The following ACSL4 variants were observed in gnomAD, a reference collection of about 807,000 sequenced individuals.
The protein encoded by ACSL4 is acyl-CoA synthetase long chain family member 4.
A neutral mutation model predicts 49.1 loss-of-function variants in ACSL4; 9 were observed. The ratio of observed to expected loss-of-function variants is 0.18; its 90% CI spans 0.11 to 0.32. ACSL4 has a LOEUF of 0.32. Among genes scored for constraint, ACSL4 ranks in the 10% least tolerant of loss-of-function variants. The probability of loss-of-function intolerance (pLI) is 1.00; values close to 1 mark genes in which losing one functional copy is unlikely to be tolerated. For missense variants in ACSL4, 333 were observed against 493.7 expected (o/e 0.67, Z 3.08); for synonymous variants, 191 against 170.3 (o/e 1.12, Z -0.95).
chrX:109,656,278 A>G lies in ACSL4; in HGVS notation c.1855+3076T>C, dbSNP rs192987892. Among the ~76,000 whole-genome samples, 259 of 111,349 alleles carry G rather than the reference A, an allele frequency of 2.3e-3. 4 individuals carry two copies. Among genetic ancestry groups the G allele is most frequent in the Middle Eastern group, 9.1e-3 (2 of 219 alleles). On this transcript the variant is annotated intron_variant, in intron 15 of 15. Coordinates refer to ENST00000672401, the MANE Select transcript of ACSL4 (RefSeq NM_001318510.2). ...TTAGTGGAAGAGTTAAGAATAGTATACAAAAAACTAATGAAGAGAGGAAAT... is the reference window on the plus strand; with the variant it reads ...TTAGTGGAAGAGTTAAGAATAGTATGCAAAAAACTAATGAAGAGAGGAAAT...
chrX:109,661,356 TATCTAA>T (rs1358588562), intron 14 of ACSL4, among the ~76,000 whole-genome samples, 169 bp downstream of exon 14: 1 of 112,161 alleles, frequency 8.9e-6, no homozygotes, highest in Non-Finnish European at 1.9e-5. Context: ...ACGTCTGAGT[TATCTAA>T]AATGATCTTT....
In ACSL4 at chrX:109,693,389, C is replaced by T. The variant is rs116429468; in HGVS notation, c.-13+2755G>A. On this transcript the variant is annotated intron_variant, in intron 2 of 15. Transcript: ENST00000672401. ...CTTATGGCCATATAGTCAATGCTCA[C>T]ATATTAGCCGTAGTAAAGAACAGAA... Among the ~76,000 whole-genome samples the T allele has an allele frequency of 8.9e-3, 995 of 112,013 alleles. 11 individuals carry two copies. Among genetic ancestry groups the T allele is most frequent in the African/African-American group, 0.031 (948 of 30,868 alleles).
intron 15 of ACSL4, among the ~76,000 whole-genome samples, chrX:109,647,660 A>C (rs1934785633): frequency 8.9e-6 from 1 of 111,781 alleles, no homozygotes. Flanking sequence ...AGAAGGCAAG[A>C]AATAACTAAG....
intron 1 of ACSL4, among the ~76,000 whole-genome samples, chrX:109,704,940 TCACA>T (rs57647601): frequency 9.4e-6 from 1 of 106,775 alleles, no homozygotes; most frequent in Admixed American, 1.0e-4. Context: ...TCTCTCTCTC[TCACA>T]CACACACACA....
chrX:109,665,693 G>A (rs1922571801), intron 11 of ACSL4, among the ~76,000 whole-genome samples, 199 bp from the exon 12 acceptor site: 1 of 92,632 alleles, frequency 1.1e-5, no homozygotes, highest in Admixed American at 1.3e-4. Context: ...TGCTTTTCAT[G>A]GTTATATTTT....
chrX:109,669,130 T>C lies in ACSL4; in HGVS notation c.1046A>G (p.Gln349Arg), dbSNP rs763146840. ...RIYKNVMSKVQEMNYIQKTLF... is the reference protein window; with the variant it reads ...RIYKNVMSKVREMNYIQKTLF... Reference sequence around the variant, plus strand: ...AGTTTTCTGAATATAATTCATCTCTTGGACTTTGCTCATAACATTCTTATA... The same window carrying C: ...AGTTTTCTGAATATAATTCATCTCTCGGACTTTGCTCATAACATTCTTATA... Residue 349 changes from glutamine to arginine, a missense_variant, in exon 10 of 16, where the codon CAA becomes CGA. Coordinates refer to ENST00000672401, the MANE Select transcript of ACSL4 (RefSeq NM_001318510.2). The C allele has an allele frequency of 1.7e-6, 2 of 1,171,054 alleles. No individual in the cohort carries two copies. Among genetic ancestry groups the C allele is most frequent in the Non-Finnish European group, 2.3e-6 (2 of 861,980 alleles).
chrX:109,710,422 T>G (rs1470189751), intron 1 of ACSL4, among the ~76,000 whole-genome samples: 1 of 112,280 alleles, frequency 8.9e-6, no homozygotes, highest in Non-Finnish European at 1.9e-5. Flanking sequence ...CACAAGACTC[T>G]TTATTCCAAG....
chrX:109,658,525 A>G (rs766305157), intron 15 of ACSL4, among the ~76,000 whole-genome samples: 3 of 112,135 alleles, frequency 2.7e-5, no homozygotes, highest in Non-Finnish European at 5.6e-5. Flanking sequence ...CATAGAAGGT[A>G]CTACACAACT....
intron 15 of ACSL4, among the ~76,000 whole-genome samples, chrX:109,650,914 T>C (rs1569415992): frequency 8.9e-6 from 1 of 112,060 alleles, no homozygotes; most frequent in Non-Finnish European, 1.9e-5. Flanking sequence ...GAAAATTAAG[T>C]CTCTAGACAA....
At chrX:109,647,813 T>C (rs1003930492) in intron 15 of ACSL4, among the ~76,000 whole-genome samples, 17 of 108,133 alleles carry the variant, frequency 1.6e-4, no homozygotes, top group Admixed American at 1.5e-3. Context: ...AAGAATCAAA[T>C]AGACGCAATA....
At chrX:109,658,272 T>G (rs922148452) in intron 15 of ACSL4, among the ~76,000 whole-genome samples, 1 of 111,312 alleles carries the variant, frequency 9.0e-6, no homozygotes, top group African/African-American at 3.3e-5. Flanking sequence ...TTTTGCTTCA[T>G]AAACATTTCC....
At chrX:109,653,724 A>G (rs1320590020) in intron 15 of ACSL4, among the ~76,000 whole-genome samples, 1 of 109,337 alleles carries the variant, frequency 9.1e-6, no homozygotes, top group Non-Finnish European at 1.9e-5. Flanking sequence ...CAAACACCGC[A>G]TGTTCTCACT....
chrX:109,659,565 A>G, intron 14 of ACSL4, 54 bp from the exon 15 acceptor site: 1 of 832,989 alleles, frequency 1.2e-6, no homozygotes, highest in Non-Finnish European at 1.8e-6. Flanking sequence ...AGTTATTCAT[A>G]AACTAGTCAA....
chrX:109,708,914 C>G (rs976951885), intron 1 of ACSL4, among the ~76,000 whole-genome samples: 15 of 111,829 alleles, frequency 1.3e-4, no homozygotes, highest in Admixed American at 1.2e-3. Flanking sequence ...GATACTCAAC[C>G]TGTAATAGCA....
intron 9 of ACSL4, among the ~76,000 whole-genome samples, chrX:109,669,394 ATT>A (rs34210031): frequency 2.9e-3 from 262 of 90,493 alleles, no homozygotes; most frequent in African/African-American, 9.6e-3. Flanking sequence ...GTTAATCTAA[ATT>A]TTTTTTTTTT....
chrX:109,675,820 C>T (rs895233691), intron 8 of ACSL4, among the ~76,000 whole-genome samples: 4 of 112,150 alleles, frequency 3.6e-5, no homozygotes, highest in Admixed American at 2.8e-4. Context: ...GAGTTTAAGC[C>T]TTAGTCTTAT....
At position 109,681,063 on chromosome X, in the gene ACSL4, T is replaced by C. The variant is rs756694815; in HGVS notation, c.590A>G (p.Tyr197Cys). The part of the protein sequence containing the change: ...VDNKAINKAE[Y>C]PEGFEIHSMQ... ...GCTGTGAATCTCAAATCCTTCAGGG[T>C]ACTCTGCTTTATTGATAGCCTTATT... Residue 197 changes from tyrosine (Y) to cysteine (C), a missense_variant, in exon 6 of 16, where the codon TAC becomes TGC. Tyr to Cys is a radical substitution (Grantham distance 194). Coordinates refer to ENST00000672401, the MANE Select transcript of ACSL4 (RefSeq NM_001318510.2). 2 of 1,209,185 alleles carry C rather than the reference T, an allele frequency of 1.7e-6. No homozygotes were observed. The highest frequency in any genetic ancestry group is 4.3e-5 in the Admixed American group (2 of 46,005).
In ACSL4 at chrX:109,663,336, G is replaced by A; in HGVS notation, c.1457C>T (p.Ser486Phe). 8.3e-7 allele frequency: 1 copy of A among 1,209,351 alleles called. No individual in the cohort carries two copies. Among genetic ancestry groups the A allele is most frequent in the Non-Finnish European group, 1.1e-6 (1 of 893,563 alleles). Reference sequence around the variant, plus strand: ...CTCTTCATTTTTAAAATATCCCATGGAGATGTTCTGTCCACCAATTACGAT... The same window carrying A: ...CTCTTCATTTTTAAAATATCCCATGAAGATGTTCTGTCCACCAATTACGAT... ...GEIVIGGQNISMGYFKNEEKT... is the reference protein window; with the variant it reads ...GEIVIGGQNIFMGYFKNEEKT... Residue 486 changes from serine (S) to phenylalanine (F), a missense_variant, in exon 13 of 16, where the codon TCC becomes TTC. Ser to Phe is a radical substitution (Grantham distance 155). Coordinates refer to ENST00000672401, the MANE Select transcript of ACSL4 (RefSeq NM_001318510.2).
intron 1 of ACSL4, among the ~76,000 whole-genome samples, chrX:109,720,223 G>A (rs1381652044): frequency 5.6e-5 from 6 of 107,600 alleles, no homozygotes; most frequent in Admixed American, 1.0e-4. Context: ...CCAGCTACTC[G>A]GGAGGCTGAG....
Sources: gnomAD v4.1 joint callset for allele counts (sites outside exome capture counted in the v4.1 genomes callset) on GRCh38, gnomAD v4.1.1 for gene constraint, MANE v1.5 for transcripts, NCBI Gene and HGNC (gene_info 2026-07-23, HGNC 2026-07-21) for gene names.